BRINP3: variants seen among roughly 807,000 people sequenced by gnomAD.
BRINP3 encodes the protein BMP/retinoic acid inducible neural specific 3.
In BRINP3, 19 loss-of-function variants were observed where a neutral mutation model predicts 71.0. The observed-to-expected ratio is 0.27, with a 90% CI of 0.19 to 0.39. The LOEUF (loss-of-function observed/expected upper bound fraction) is 0.39, where lower values mean the gene tolerates loss of function less well. Among genes scored for constraint, BRINP3 ranks in the 10% least tolerant of loss-of-function variants. The pLI is 1.00. For missense variants in BRINP3, 959 were observed against 940.8 expected (o/e 1.02, Z -0.25); for synonymous variants, 380 against 337.7 (o/e 1.13, Z -1.37).
chr1:190,181,489 T>C (rs182297774), intron 6 of BRINP3, among the ~76,000 whole-genome samples: 1 of 152,168 alleles, frequency 6.6e-6, no homozygotes, highest in Non-Finnish European at 1.5e-5. Context: ...TTTCTATGCA[T>C]AAAATTTTCT....
chr1:190,370,307 G>T lies in BRINP3; in HGVS notation c.236+84348C>A, dbSNP rs372665844. ...ATTATTATAGAAACAGAAGATATTTGTAAAATATTTAAGAAACCAATTTAA... is the reference window on the plus strand; with the variant it reads ...ATTATTATAGAAACAGAAGATATTTTTAAAATATTTAAGAAACCAATTTAA... On this transcript the variant is annotated intron_variant, in intron 2 of 7. Transcript: ENST00000367462. Among the ~76,000 whole-genome samples the T allele has an allele frequency of 2.6e-5, 4 of 152,150 alleles. No homozygotes were observed. In the East Asian group the frequency reaches 5.8e-4, roughly 22 times the overall value.
chr1:190,277,048 T>G (rs1286406558), intron 3 of BRINP3, among the ~76,000 whole-genome samples: 97 of 124,058 alleles, frequency 7.8e-4, no homozygotes, highest in Non-Finnish European at 1.0e-3. Flanking sequence ...TAACAAATCT[T>G]ATTATATTGT....
intron 2 of BRINP3, among the ~76,000 whole-genome samples, chr1:190,292,847 T>C (rs1663972850): frequency 6.6e-6 from 1 of 152,170 alleles, no homozygotes; most frequent in African/African-American, 2.4e-5. Context: ...TAGGAATTCA[T>C]AGTAGTCTCT....
In BRINP3 at chr1:190,164,712, A is replaced by G. The variant is rs542094940; in HGVS notation, c.962-3822T>C. The stretch of plus-strand genomic sequence containing the variant: ...CTCACGCAATTCTCCGGCCTCGTCC[A>G]CTCCAGCAGGTAGGATTACATGCCT... On this transcript the variant is annotated intron_variant, in intron 6 of 7. Coordinates refer to ENST00000367462, the MANE Select transcript of BRINP3 (RefSeq NM_199051.3). 1.7e-4 allele frequency among the ~76,000 whole-genome samples: 25 copies of G among 151,272 alleles called. No homozygotes were observed. In the East Asian group the frequency reaches 4.3e-3, roughly 26 times the overall value.
Position 190,249,079 on chromosome 1 carries a change from C to T in BRINP3, c.619-14602G>A, listed in dbSNP as rs74131325. Among the ~76,000 whole-genome samples the T allele has an allele frequency of 3.3e-3, 499 of 151,684 alleles. 2 individuals are homozygous for T. Among genetic ancestry groups the T allele is most frequent in the African/African-American group, 0.011 (465 of 41,424 alleles). On this transcript the variant is annotated intron_variant, in intron 4 of 7. Transcript: ENST00000367462. ...TTTCTTTATTTGCTCATTTGGACTC[C>T]AGTTCAACTGCAAGAATATTAGAAT...
chr1:190,131,950 A>G (rs1292602542), intron 7 of BRINP3, among the ~76,000 whole-genome samples: 2 of 152,080 alleles, frequency 1.3e-5, no homozygotes, highest in Non-Finnish European at 2.9e-5. Context: ...ATAAGAAAAC[A>G]TATGCAAAAT....
intron 6 of BRINP3, among the ~76,000 whole-genome samples, chr1:190,218,844 T>G (rs1055327099): frequency 1.3e-5 from 2 of 152,220 alleles, no homozygotes; most frequent in African/African-American, 4.8e-5. Context: ...ATTTACTAAC[T>G]CTTCCTAAAT....
Position 190,098,939 on chromosome 1 carries a change from G to A in BRINP3, c.1380C>T (p.Cys460=), listed in dbSNP as rs1348043617. Residue 460 remains cysteine, a synonymous_variant, in exon 8 of 8, where the codon TGC becomes TGT. Transcript: ENST00000367462. The part of the protein sequence containing the change: ...LTCAPDNRTR[C]GTCNTGYMLS... ...GCATGTAGCCGGTGTTGCAGGTGCC[G>A]CAGCGGGTGCGGTTGTCTGGTGCGC... 1.2e-6 allele frequency: 2 copies of A among 1,614,138 alleles called. No individual in the cohort carries two copies. The highest frequency in any genetic ancestry group is 1.7e-6 in the Non-Finnish European group (2 of 1,180,038).
At chr1:190,191,669 G>A (rs570777920) in intron 6 of BRINP3, among the ~76,000 whole-genome samples, 1 of 152,042 alleles carries the variant, frequency 6.6e-6, no homozygotes, top group Admixed American at 6.6e-5. Flanking sequence ...ATGGGCATTT[G>A]GGTTGGTTCC....
intron 2 of BRINP3, among the ~76,000 whole-genome samples, chr1:190,327,503 C>T (rs1017601787): frequency 1.1e-4 from 16 of 139,422 alleles, no homozygotes; most frequent in African/African-American, 2.9e-4. Context: ...AAAAAAAAAG[C>T]GAGCAGAGAT....
intron 6 of BRINP3, among the ~76,000 whole-genome samples, chr1:190,179,947 T>C (rs1238659632): frequency 6.6e-6 from 1 of 152,140 alleles, no homozygotes; most frequent in African/African-American, 2.4e-5. Context: ...AGTGGAATAA[T>C]GTTGGGTTTG....
intron 1 of BRINP3, among the ~76,000 whole-genome samples, chr1:190,476,196 C>T (rs1429123274): frequency 6.8e-6 from 1 of 147,462 alleles, no homozygotes; most frequent in East Asian, 2.0e-4. Flanking sequence ...AAAAACATTG[C>T]TTGGGTTGTC....
chr1:190,182,833 A>G lies in BRINP3; in HGVS notation c.962-21943T>C, dbSNP rs529810024. ...TCCATTGACCTGGAGACTAAGATCAATCATATGGACAGTAAAATAATCAAT... is the reference window on the plus strand; with the variant it reads ...TCCATTGACCTGGAGACTAAGATCAGTCATATGGACAGTAAAATAATCAAT... On this transcript the variant is annotated intron_variant, in intron 6 of 7. Coordinates refer to ENST00000367462, the MANE Select transcript of BRINP3 (RefSeq NM_199051.3). 3.9e-5 allele frequency among the ~76,000 whole-genome samples: 6 copies of G among 152,252 alleles called. No homozygotes were observed. In the South Asian group the frequency reaches 1.2e-3, roughly 32 times the overall value.
chr1:190,149,625 TTGTGTGTG>T lies in BRINP3; in HGVS notation c.1184+11035_1184+11042del, dbSNP rs71669261. Among the ~76,000 whole-genome samples the T allele has an allele frequency of 3.7e-3, 542 of 146,614 alleles. 5 individuals are homozygous for T. Among genetic ancestry groups the T allele is most frequent in the African/African-American group, 0.013 (511 of 40,314 alleles). ...GTGCACTTAGGATATTGTTGAGTAG[TTGTGTGTG>T]TGTGTGTGTGTGTGTGTGTGTGTAT... On this transcript the variant is annotated intron_variant, in intron 7 of 7. Transcript: ENST00000367462.
intron 7 of BRINP3, among the ~76,000 whole-genome samples, chr1:190,132,181 C>A (rs935283151): frequency 3.3e-5 from 5 of 151,992 alleles, no homozygotes; most frequent in African/African-American, 1.2e-4. Flanking sequence ...TGTAGATTTG[C>A]ATATCATACT....
chr1:190,458,895 C>T (rs1008588940), intron 1 of BRINP3, among the ~76,000 whole-genome samples: 1 of 151,514 alleles, frequency 6.6e-6, no homozygotes. Context: ...ATCAATGCAC[C>T]ATATTTTCTG....
intron 4 of BRINP3, among the ~76,000 whole-genome samples, chr1:190,263,061 T>G (rs1175288840): frequency 1.3e-5 from 2 of 152,156 alleles, no homozygotes; most frequent in Admixed American, 1.3e-4. Context: ...ACAGACACAC[T>G]TGGTGCTGAA....
At chr1:190,277,087 T>TATATATATATA (rs1553276640) in intron 3 of BRINP3, among the ~76,000 whole-genome samples, 24 of 36,030 alleles carry the variant, frequency 6.7e-4, no homozygotes, top group African/African-American at 1.3e-3. Flanking sequence ...AATTTTGGTT[T>TATATATATATA]TATATATATA....
Position 190,454,794 on chromosome 1 carries a change from C to G in BRINP3, c.97G>C (p.Ala33Pro), listed in dbSNP as rs370647729. 2 of 1,614,034 alleles carry G rather than the reference C, an allele frequency of 1.2e-6. No homozygotes were observed. The highest frequency in any genetic ancestry group is 1.7e-6 in the Non-Finnish European group (2 of 1,180,036). The change falls in exon 2 of 8, where the codon GCT becomes CCT. Residue 33 changes from alanine to proline, a missense_variant. Ala to Pro is a conservative substitution (Grantham distance 27, BLOSUM62 -1). Transcript: ENST00000367462. Reference sequence around the variant, plus strand: ...GTGGCATGCTGATCCGAAACAGCAGCAACCGCTAAAACCCAGCAATGAAGA... The same window carrying G: ...GTGGCATGCTGATCCGAAACAGCAGGAACCGCTAAAACCCAGCAATGAAGA... ...LSLHCWVLAV[A>P]AVSDQHATSP...
Sources: allele counts gnomAD v4.1 joint callset (sites outside exome capture counted in the v4.1 genomes callset), GRCh38; gene constraint gnomAD v4.1.1; transcripts MANE v1.5; gene names NCBI Gene and HGNC (gene_info 2026-07-23, HGNC 2026-07-21).